Variants in ZMYM6 observed in about 807,000 individuals in gnomAD.
ZMYM6 encodes zinc finger MYM-type containing 6.
Under a neutral mutation model 134.0 loss-of-function variants are expected in ZMYM6, and 90 were observed. The ratio of observed to expected loss-of-function variants is 0.67; its 90% CI spans 0.57 to 0.80. The LOEUF (loss-of-function observed/expected upper bound fraction) is 0.80. ZMYM6 is among the 30% of genes least tolerant of loss of function. ZMYM6 has a pLI of 0.00. For synonymous variants in ZMYM6, 481 were observed against 524.1 expected, an observed-to-expected ratio of 0.92 and a Z score of 1.12; for missense variants, 1,362 against 1,533.9, an observed-to-expected ratio of 0.89 and a Z score of 1.87.
At chr1:35,014,287 T>G (rs1641142899) in intron 6 of ZMYM6, among the ~76,000 whole-genome samples, 1 of 152,210 alleles carries the variant, frequency 6.6e-6, no homozygotes. Context: ...AAATATTTCA[T>G]GCTCACAGAA....
intron 14 of ZMYM6, 84 bp from the exon 15 acceptor site, chr1:34,992,471 C>A: frequency 7.1e-7 from 1 of 1,402,330 alleles, no homozygotes; most frequent in Admixed American, 2.6e-5. Flanking sequence ...ATTGAAAGTT[C>A]ATATACATCA....
At chr1:35,003,180 C>CAAA (rs202093628) in intron 14 of ZMYM6, among the ~76,000 whole-genome samples, 10 of 62,994 alleles carry the variant, frequency 1.6e-4, no homozygotes, top group Non-Finnish European at 3.1e-4. Context: ...GACCCTGTCT[C>CAAA]AAAAAAAAAA....
chr1:35,024,206 T>C (rs775371919), intron 2 of ZMYM6, among the ~76,000 whole-genome samples: 3 of 152,200 alleles, frequency 2.0e-5, no homozygotes, highest in Non-Finnish European at 4.4e-5. Flanking sequence ...GGAAACCTTC[T>C]TTTTAGCTAT....
intron 14 of ZMYM6, among the ~76,000 whole-genome samples, chr1:34,999,059 T>A (rs978651267): frequency 5.3e-5 from 8 of 151,980 alleles, no homozygotes; most frequent in African/African-American, 1.9e-4. Flanking sequence ...AAGGTGGAGG[T>A]TGCAGTGAGC....
intron 6 of ZMYM6, chr1:35,013,571 C>T: frequency 1.0e-6 from 1 of 985,348 alleles, no homozygotes; most frequent in Non-Finnish European, 1.2e-6. Context: ...AAAAGAGATT[C>T]TTTTCAGTGA....
chr1:35,013,056 A>C, intron 6 of ZMYM6: 1 of 932,332 alleles, frequency 1.1e-6, no homozygotes, highest in Non-Finnish European at 1.3e-6. Flanking sequence ...TTTCAAGCTG[A>C]GTTTCATAAT....
rs753973227 is a variant in ZMYM6, at chr1:35,012,595, A to G, written c.796-14T>C. The G allele has an allele frequency of 9.9e-6, 16 of 1,612,406 alleles. No individual in the cohort carries two copies. Among genetic ancestry groups the G allele is most frequent in the Middle Eastern group, 1.7e-4 (1 of 6,048 alleles). On this transcript the variant is annotated splice_polypyrimidine_tract_variant and intron_variant, in intron 6 of 15. Coordinates refer to ENST00000357182, the MANE Select transcript of ZMYM6 (RefSeq NM_007167.4). ...TTGGGCAGAATTCTATTAAAATAAA[A>G]TAACATTAGATACCTAGTACAAACA...
chr1:34,991,099 G>C (rs2148441937), intron 15 of ZMYM6, among the ~76,000 whole-genome samples: 1 of 152,256 alleles, frequency 6.6e-6, no homozygotes, highest in East Asian at 1.9e-4. Flanking sequence ...CCTGACCTCA[G>C]GTGATCCGCC....
intron 4 of ZMYM6, 35 bp from the exon 5 acceptor site, chr1:35,015,197 A>G (rs1641159694): frequency 6.5e-7 from 1 of 1,534,904 alleles, no homozygotes; most frequent in African/African-American, 1.4e-5. Context: ...AATGAAATGT[A>G]TTCTTCACAA....
intron 11 of ZMYM6, 114 bp downstream of exon 11, chr1:35,008,638 T>C (rs1641029059): frequency 1.9e-6 from 2 of 1,034,028 alleles, no homozygotes; most frequent in South Asian, 1.9e-5. Context: ...GCCCATAACT[T>C]ATTTTATCCA....
rs1173415153 is a variant in ZMYM6, at chr1:34,987,310, T to A, written c.3772A>T (p.Ile1258Leu). ...FKSVSVTQFW[I>L]NAKTSYPELH... The stretch of plus-strand genomic sequence containing the variant: ...TCTGGGTAACTTGTCTTTGCATTTA[T>A]CCAAAACTGAGTTACAGACACTGAT... Residue 1258 changes from isoleucine (I) to leucine (L), a missense_variant, in exon 16 of 16, where the codon ATA becomes TTA. Ile to Leu is a conservative substitution (Grantham distance 5). Transcript: ENST00000357182. 2 of 1,612,158 alleles carry A rather than the reference T, an allele frequency of 1.2e-6. No individual in the cohort carries two copies. The highest frequency in any genetic ancestry group is 2.7e-5 in the African/African-American group (2 of 74,848).
chr1:34,995,483 T>A (rs1261289228), intron 14 of ZMYM6, among the ~76,000 whole-genome samples: 1 of 151,976 alleles, frequency 6.6e-6, no homozygotes, highest in Non-Finnish European at 1.5e-5. Context: ...TAACAGTAAC[T>A]ACTAAATAGA....
chr1:35,026,099 C>T (rs1009300629), intron 2 of ZMYM6, among the ~76,000 whole-genome samples: 1 of 152,112 alleles, frequency 6.6e-6, no homozygotes, highest in Non-Finnish European at 1.5e-5. Flanking sequence ...CAGTTCACTG[C>T]AACCTCCGCC....
chr1:35,014,891 A>G lies in ZMYM6; in HGVS notation c.604-3T>C, dbSNP rs1237859898. 3.7e-6 allele frequency: 6 copies of G among 1,613,988 alleles called. No homozygotes were observed. The highest frequency in any genetic ancestry group is 5.1e-6 in the Non-Finnish European group (6 of 1,179,902). On this transcript the variant is annotated splice_polypyrimidine_tract_variant and splice_region_variant and intron_variant, in intron 5 of 15. Transcript: ENST00000357182. Reference sequence around the variant, plus strand: ...TGATATTTAACTTCAAATCGAGTCTAGGAAATAAACACACACATACACACA... The same window carrying G: ...TGATATTTAACTTCAAATCGAGTCTGGGAAATAAACACACACATACACACA...
intron 4 of ZMYM6, among the ~76,000 whole-genome samples, chr1:35,016,148 G>A (rs1439740619): frequency 6.6e-6 from 1 of 151,718 alleles, no homozygotes; most frequent in East Asian, 1.9e-4. Flanking sequence ...ACGGGGTTTC[G>A]CCATATTGGC....
At chr1:35,015,723 CAAAAAAAAA>C in intron 4 of ZMYM6, among the ~76,000 whole-genome samples, 1 of 51,196 alleles carries the variant, frequency 2.0e-5, no homozygotes, top group Non-Finnish European at 3.2e-5. Flanking sequence ...GACTCCATCT[CAAAAAAAAA>C]AAAAAAAAAA....
chr1:35,019,660 GTCTC>G (rs377267965), intron 3 of ZMYM6, 58 bp from the exon 4 acceptor site: 114 of 1,459,230 alleles, frequency 7.8e-5, no homozygotes, highest in African/African-American at 2.6e-4. Context: ...TACAGTCTCA[GTCTC>G]TCTCTCTCTC....
intron 14 of ZMYM6, among the ~76,000 whole-genome samples, chr1:34,997,186 A>T (rs1299814284): frequency 6.6e-6 from 1 of 152,234 alleles, no homozygotes; most frequent in African/African-American, 2.4e-5. Flanking sequence ...AATCTAATTA[A>T]GCCATAGTTC....
chr1:35,027,971 T>G (rs1243725283), intron 2 of ZMYM6, among the ~76,000 whole-genome samples: 1 of 152,100 alleles, frequency 6.6e-6, no homozygotes. Flanking sequence ...TAGCAAGGCA[T>G]AGAGTTCATG....
Sources: gnomAD v4.1 joint callset for allele counts (sites outside exome capture counted in the v4.1 genomes callset) on GRCh38, gnomAD v4.1.1 for gene constraint, MANE v1.5 for transcripts, NCBI Gene and HGNC (gene_info 2026-07-23, HGNC 2026-07-21) for gene names.